Variants in TSPAN7 observed in about 807,000 individuals in gnomAD.
TSPAN7 encodes tetraspanin 7, also known as tetraspanin-7.
Under a neutral mutation model 17.6 loss-of-function variants are expected in TSPAN7, and 1 was observed. The ratio of observed to expected loss-of-function variants is 0.06; its 90% CI spans 0.02 to 0.27. The LOEUF (loss-of-function observed/expected upper bound fraction) is 0.27, where lower values mean the gene tolerates loss of function less well. TSPAN7 is among the 10% of genes least tolerant of loss of function. The probability of loss-of-function intolerance (pLI) is 1.00; values close to 1 mark genes in which losing one functional copy is unlikely to be tolerated. For synonymous variants in TSPAN7, 78 were observed against 79.0 expected (o/e 0.99, Z 0.07); for missense variants, 112 against 201.7 (o/e 0.56, Z 2.69).
chrX:38,678,481 G>A (rs995621110), intron 5 of TSPAN7, among the ~76,000 whole-genome samples: 1 of 111,882 alleles, frequency 8.9e-6, no homozygotes, highest in African/African-American at 3.3e-5. Flanking sequence ...TTTCATATTA[G>A]GAAATTGAGA....
chrX:38,637,673 G>A (rs2069588550), intron 1 of TSPAN7, among the ~76,000 whole-genome samples: 1 of 112,047 alleles, frequency 8.9e-6, no homozygotes, highest in Admixed American at 9.4e-5. Context: ...GTGGATGGCT[G>A]CCAATGGTTT....
rs73463505 is a variant in TSPAN7 at position 38,646,453 on chromosome X, G to A, written c.82-19668G>A. On this transcript the variant is annotated intron_variant, in intron 1 of 7. Transcript: ENST00000378482. ...GAAATATTAGGAGCAGTGAATGCAC[G>A]TAAAACAGGGGTTCTTAGCAGGGGC... 3.6e-3 allele frequency: 1,885 copies of A among 529,128 alleles called. 25 individuals are homozygous for A. In the African/African-American group the frequency reaches 0.039, roughly 11 times the overall value. The allele number at this position is 529,128 out of a possible 1,213,427, so 43.6% of individuals were successfully genotyped here. A position where few individuals can be genotyped will look rare whatever the true frequency, so the allele number is the denominator to read the frequency against.
rs146991452 is a variant in TSPAN7, at chrX:38,636,075, G to GTTATTTATTTAT, written c.82-30023_82-30012dup. 4.4e-3 allele frequency among the ~76,000 whole-genome samples: 450 copies of GTTATTTATTTAT among 102,368 alleles called. 3 individuals are homozygous for GTTATTTATTTAT. The highest frequency in any genetic ancestry group is 0.015 in the African/African-American group (409 of 27,330). 88.9% of individuals were successfully genotyped at this position (102,368 alleles called of 115,157 possible). ...GCTAATTAGGGTTTTTTTTCATTTTGTTATTTATTTATTTATTTATTTATT... is the reference window on the plus strand; with the variant it reads ...GCTAATTAGGGTTTTTTTTCATTTTGTTATTTATTTATTTATTTATTTATTTATTTATTTATT... On this transcript the variant is annotated intron_variant, in intron 1 of 7. Transcript: ENST00000378482.
At chrX:38,649,414 G>C (rs1340674424) in intron 1 of TSPAN7, among the ~76,000 whole-genome samples, 4 of 112,469 alleles carry the variant, frequency 3.6e-5, no homozygotes, top group Non-Finnish European at 5.6e-5. Flanking sequence ...TGGTGAGTTT[G>C]GCAACAAGCC....
At chrX:38,662,967 T>C (rs1227256193) in intron 1 of TSPAN7, among the ~76,000 whole-genome samples, 1 of 110,546 alleles carries the variant, frequency 9.0e-6, no homozygotes, top group Non-Finnish European at 1.9e-5. Flanking sequence ...GTTCATAGTA[T>C]TGTGTTTGTT....
intron 1 of TSPAN7, among the ~76,000 whole-genome samples, chrX:38,598,708 A>G (rs2069331168): frequency 9.0e-6 from 1 of 111,060 alleles, no homozygotes; most frequent in South Asian, 3.8e-4. Flanking sequence ...TGTTATAACA[A>G]ACTGACTTTG....
chrX:38,600,245 C>T lies in TSPAN7; in HGVS notation c.81+38618C>T, dbSNP rs186005303. Among the ~76,000 whole-genome samples, 10 of 111,519 alleles carry T rather than the reference C, an allele frequency of 9.0e-5. No homozygotes were observed. The East Asian group carries it at 2.8e-3, about 32-fold the overall frequency. On this transcript the variant is annotated intron_variant, in intron 1 of 7. Transcript: ENST00000378482. Reference sequence around the variant, plus strand: ...CTCCTTGGTGATATGTGACCGTTTTCCTCCTGGAAGAGCTGTTCCATATAT... The same window carrying T: ...CTCCTTGGTGATATGTGACCGTTTTTCTCCTGGAAGAGCTGTTCCATATAT...
At chrX:38,596,990 G>A (rs1602092931) in intron 1 of TSPAN7, among the ~76,000 whole-genome samples, 1 of 111,388 alleles carries the variant, frequency 9.0e-6, no homozygotes, top group Admixed American at 9.5e-5. Flanking sequence ...TTCTGGAAAA[G>A]AACATAACTA....
chrX:38,630,339 AC>A (rs1476590407), intron 1 of TSPAN7, among the ~76,000 whole-genome samples: 3 of 112,343 alleles, frequency 2.7e-5, no homozygotes, highest in East Asian at 5.6e-4. Context: ...GAAATCAACA[AC>A]CCACATGCTT....
rs1267226962 is a variant in TSPAN7 at position 38,589,320 on chromosome X, G to GT, written c.81+27694dup. Among the ~76,000 whole-genome samples, 7 of 111,873 alleles carry GT rather than the reference G, an allele frequency of 6.3e-5. No individual in the cohort carries two copies. In the East Asian group the frequency reaches 8.4e-4, roughly 13 times the overall value. On this transcript the variant is annotated intron_variant, in intron 1 of 7. Transcript: ENST00000378482. ...TTTAACAATACCATTAAATGGCCAT[G>GT]TATTTTTTCATCCTGAGGTTCATTT...
chrX:38,611,110 T>C (rs2069415770), intron 1 of TSPAN7, among the ~76,000 whole-genome samples: 2 of 112,437 alleles, frequency 1.8e-5, no homozygotes, highest in Non-Finnish European at 3.8e-5. Flanking sequence ...GTAGAATGAC[T>C]TCTTTCTTTC....
chrX:38,592,376 T>C (rs992738006), intron 1 of TSPAN7, among the ~76,000 whole-genome samples: 1 of 112,245 alleles, frequency 8.9e-6, no homozygotes, highest in African/African-American at 3.2e-5. Flanking sequence ...GGATGTTTAG[T>C]CTACTTACAC....
In TSPAN7 at chrX:38,568,004, G is replaced by T. The variant is rs766797536; in HGVS notation, c.81+6377G>T. Among the ~76,000 whole-genome samples, 3 of 111,872 alleles carry T rather than the reference G, an allele frequency of 2.7e-5. No individual in the cohort carries two copies. In the South Asian group the frequency reaches 1.1e-3, roughly 42 times the overall value. ...TTTCTCTACAGTTAAGAATTGCCTT[G>T]TTTGGTCCTTTGCTTTTTAGTTGCG... On this transcript the variant is annotated intron_variant, in intron 1 of 7. Transcript: ENST00000378482.
At chrX:38,595,728 T>C (rs2069316047) in intron 1 of TSPAN7, among the ~76,000 whole-genome samples, 1 of 112,118 alleles carries the variant, frequency 8.9e-6, no homozygotes, top group African/African-American at 3.2e-5. Flanking sequence ...AATGGAACTT[T>C]GAATTGTTAA....
chrX:38,639,482 A>T, intron 1 of TSPAN7, among the ~76,000 whole-genome samples: 1 of 99,554 alleles, frequency 1.0e-5, no homozygotes, highest in African/African-American at 3.7e-5. Flanking sequence ...GTTCATCCCC[A>T]GCCATCAGAA....
chrX:38,610,013 G>T (rs758406183), intron 1 of TSPAN7, among the ~76,000 whole-genome samples: 2 of 111,165 alleles, frequency 1.8e-5, no homozygotes, highest in East Asian at 5.7e-4. Context: ...AAATCTGAGA[G>T]ATTTTTGTAC....
In TSPAN7 at chrX:38,688,511, G is replaced by A. The variant is rs779115501; in HGVS notation, c.*580G>A. 8.8e-6 allele frequency: 1 copy of A among 113,171 alleles called. No individual in the cohort carries two copies. Among genetic ancestry groups the A allele is most frequent in the African/African-American group, 3.2e-5 (1 of 31,168 alleles). The allele number at this position is 113,171 out of a possible 1,213,427, so 9.3% of individuals were successfully genotyped here. A position where few individuals can be genotyped will look rare whatever the true frequency, so the allele number is the denominator to read the frequency against. ...ATAATTGTCCATGAGGAGAAAAAAA[G>A]CATGTGTCATGCATGAAGGAAACTG... On this transcript the variant is annotated 3_prime_UTR_variant, in exon 8 of 8. Coordinates refer to ENST00000378482, the MANE Select transcript of TSPAN7 (RefSeq NM_004615.4).
chrX:38,627,493 A>C (rs2069528381), intron 1 of TSPAN7, among the ~76,000 whole-genome samples: 1 of 111,914 alleles, frequency 8.9e-6, no homozygotes, highest in Non-Finnish European at 1.9e-5. Flanking sequence ...AAACAACTTA[A>C]AATATGGGGG....
chrX:38,595,703 C>T (rs774263069), intron 1 of TSPAN7, among the ~76,000 whole-genome samples: 31 of 111,827 alleles, frequency 2.8e-4, no homozygotes, highest in African/African-American at 1.0e-3. Flanking sequence ...GTGAAGAACC[C>T]TATGTTTGGT....
Sources: gnomAD v4.1 joint callset for allele counts (sites outside exome capture counted in the v4.1 genomes callset) on GRCh38, gnomAD v4.1.1 for gene constraint, MANE v1.5 for transcripts, NCBI Gene and HGNC (gene_info 2026-07-23, HGNC 2026-07-21) for gene names.